Variants in DOCK5 observed in about 807,000 individuals in gnomAD.
The protein encoded by DOCK5 is dedicator of cytokinesis 5.
DOCK5 carries 142 observed loss-of-function variants against 251.8 expected under a neutral mutation model. The observed-to-expected ratio is 0.56, with a 90% CI of 0.49 to 0.65. DOCK5 has a LOEUF of 0.65. DOCK5 is among the 30% of genes least tolerant of loss of function. The pLI is 0.00. For missense variants in DOCK5, 2,111 were observed against 2,312.3 expected (o/e 0.91, Z 1.79); for synonymous variants, 842 against 835.5 (o/e 1.01, Z -0.13).
intron 40 of DOCK5, among the ~76,000 whole-genome samples, chr8:25,387,948 A>C (rs1199624316): frequency 2.0e-5 from 3 of 152,102 alleles, no homozygotes; most frequent in Non-Finnish European, 2.9e-5. Context: ...TTACACTCTG[A>C]TCCTTTACCC....
chr8:25,195,478 C>T (rs949124324), intron 1 of DOCK5, among the ~76,000 whole-genome samples: 2 of 152,130 alleles, frequency 1.3e-5, no homozygotes, highest in African/African-American at 4.8e-5. Context: ...ACTGAAGTTC[C>T]TGGTCATGCC....
intron 25 of DOCK5, among the ~76,000 whole-genome samples, chr8:25,342,759 C>T (rs1382046826): frequency 5.8e-5 from 7 of 120,122 alleles, no homozygotes; most frequent in Middle Eastern, 8.5e-3. Flanking sequence ...AGTGCAGTGG[C>T]GCAATCTCGG....
chr8:25,215,932 T>TACACACACACAC (rs199685009), intron 1 of DOCK5, among the ~76,000 whole-genome samples: 2 of 141,172 alleles, frequency 1.4e-5, no homozygotes, highest in Non-Finnish European at 3.1e-5. Flanking sequence ...TGGAAATAAA[T>TACACACACACAC]ACACACACAC....
At chr8:25,311,792 G>C (rs1586318610) in intron 13 of DOCK5, among the ~76,000 whole-genome samples, 1 of 148,080 alleles carries the variant, frequency 6.8e-6, no homozygotes, top group South Asian at 2.2e-4. Flanking sequence ...CGTGGTGGCT[G>C]GTGCCTGTAG....
chr8:25,352,293 A>C (rs1267502777), intron 27 of DOCK5, among the ~76,000 whole-genome samples: 2 of 149,472 alleles, frequency 1.3e-5, no homozygotes, highest in East Asian at 3.9e-4. Flanking sequence ...GGAAGGAAAA[A>C]AGGAGAGAAA....
intron 28 of DOCK5, among the ~76,000 whole-genome samples, chr8:25,361,969 C>G (rs999637512): frequency 2.0e-5 from 3 of 152,218 alleles, no homozygotes; most frequent in African/African-American, 7.2e-5. Context: ...CTAAATTTAG[C>G]TAACTAATAA....
chr8:25,381,860 C>T (rs1801073747), intron 39 of DOCK5, among the ~76,000 whole-genome samples: 1 of 151,898 alleles, frequency 6.6e-6, no homozygotes, highest in Non-Finnish European at 1.5e-5. Flanking sequence ...GCTGGAAAGC[C>T]CCTCATCTTG....
chr8:25,365,150 C>T (rs891886013), intron 30 of DOCK5, among the ~76,000 whole-genome samples: 3 of 152,154 alleles, frequency 2.0e-5, no homozygotes, highest in African/African-American at 4.8e-5. Flanking sequence ...AACGGATGAC[C>T]GCTAGCTCTA....
intron 33 of DOCK5, among the ~76,000 whole-genome samples, chr8:25,369,035 G>A (rs921418861): frequency 6.6e-6 from 1 of 152,172 alleles, no homozygotes; most frequent in African/African-American, 2.4e-5. Flanking sequence ...GTAGTGAATT[G>A]AATTTAAAAA....
At chr8:25,217,027 G>A (rs1586235384) in intron 1 of DOCK5, among the ~76,000 whole-genome samples, 1 of 144,088 alleles carries the variant, frequency 6.9e-6, no homozygotes, top group South Asian at 2.2e-4. Context: ...ATGTATAGAT[G>A]TATACAATAT....
intron 2 of DOCK5, among the ~76,000 whole-genome samples, chr8:25,267,079 G>GA (rs1445806481): frequency 6.6e-6 from 1 of 152,100 alleles, no homozygotes; most frequent in Non-Finnish European, 1.5e-5. Flanking sequence ...GGGTGAATTC[G>GA]AAGCCATTTA....
chr8:25,383,136 A>C (rs2117305529), intron 40 of DOCK5, among the ~76,000 whole-genome samples: 1 of 152,338 alleles, frequency 6.6e-6, no homozygotes, highest in South Asian at 2.1e-4. Context: ...GTATCCCAAG[A>C]ACCAGACTGC....
chr8:25,282,384 T>C (rs1447559782), intron 5 of DOCK5, among the ~76,000 whole-genome samples: 1 of 152,216 alleles, frequency 6.6e-6, no homozygotes, highest in Non-Finnish European at 1.5e-5. Flanking sequence ...CTGGTTTTCG[T>C]GTCCCATCTC....
intron 1 of DOCK5, among the ~76,000 whole-genome samples, chr8:25,209,065 G>A (rs1802069499): frequency 6.6e-6 from 1 of 152,206 alleles, no homozygotes; most frequent in Non-Finnish European, 1.5e-5. Flanking sequence ...AGCAGGGAAA[G>A]GAAAATGAGT....
chr8:25,382,638 T>A (rs374838411), intron 39 of DOCK5, 36 bp from the exon 40 acceptor site: 1 of 1,525,212 alleles, frequency 6.6e-7, no homozygotes, highest in Non-Finnish European at 9.0e-7. Context: ...TGTGTACTTA[T>A]AACCTCCCCT....
intron 40 of DOCK5, among the ~76,000 whole-genome samples, chr8:25,388,328 G>A (rs1359580447): frequency 6.6e-6 from 1 of 152,126 alleles, no homozygotes; most frequent in Non-Finnish European, 1.5e-5. Context: ...AAGGAATCAT[G>A]TGTGGGCTAC....
At chr8:25,235,386 G>A (rs1022295990) in intron 1 of DOCK5, among the ~76,000 whole-genome samples, 1 of 151,960 alleles carries the variant, frequency 6.6e-6, no homozygotes, top group Non-Finnish European at 1.5e-5. Flanking sequence ...TCACCCTCTC[G>A]GGTAGCTAGG....
intron 1 of DOCK5, among the ~76,000 whole-genome samples, chr8:25,192,832 A>G (rs1335749726): frequency 6.6e-6 from 1 of 152,046 alleles, no homozygotes; most frequent in Non-Finnish European, 1.5e-5. Flanking sequence ...TCTATGTTAT[A>G]TTTTCTTTAT....
At chr8:25,268,323 A>C (rs915712142) in intron 2 of DOCK5, among the ~76,000 whole-genome samples, 1 of 152,134 alleles carries the variant, frequency 6.6e-6, no homozygotes, top group African/African-American at 2.4e-5. Flanking sequence ...TTAAAGTGCA[A>C]ATATTTGTCT....
Sources: allele counts gnomAD v4.1 joint callset (sites outside exome capture counted in the v4.1 genomes callset), GRCh38; gene constraint gnomAD v4.1.1; transcripts MANE v1.5; gene names NCBI Gene and HGNC (gene_info 2026-07-23, HGNC 2026-07-21).